THRSP: variants seen among roughly 807,000 people sequenced by gnomAD.
The protein encoded by THRSP is thyroid hormone-inducible hepatic protein.
A neutral mutation model predicts 11.1 loss-of-function variants in THRSP; 9 were observed. That is an observed-to-expected ratio of 0.81 (90% CI 0.49 to 1.42). The LOEUF is 1.42. THRSP is among the 40% of genes most tolerant of loss of function. The pLI is 0.00. For synonymous variants in THRSP, 73 were observed against 78.1 expected (o/e 0.94, Z 0.34); for missense variants, 177 against 188.2 (o/e 0.94, Z 0.35).
intron 1 of THRSP, among the ~76,000 whole-genome samples, chr11:78,067,371 C>T (rs1167394702): frequency 6.6e-6 from 1 of 152,194 alleles, no homozygotes; most frequent in African/African-American, 2.4e-5. Context: ...ATCCACCCAC[C>T]TTGGCCTCCC....
Position 78,064,152 on chromosome 11 carries a change from G to A in THRSP, c.271G>A (p.Gly91Arg). Residue 91 changes from glycine to arginine, a missense_variant, in exon 1 of 2, where the codon GGA becomes AGA. By Grantham distance (125) the Gly-to-Arg change is moderately radical. Coordinates refer to ENST00000281030, the MANE Select transcript of THRSP (RefSeq NM_003251.4). The part of the protein sequence containing the change: ...QAKVAGSEEN[G>R]TAETEEVEDE... Reference sequence around the variant, plus strand: ...CAAGGTGGCAGGCAGCGAAGAGAATGGAACCGCAGAGACAGAGGAAGTCGA... The same window carrying A: ...CAAGGTGGCAGGCAGCGAAGAGAATAGAACCGCAGAGACAGAGGAAGTCGA... The A allele has an allele frequency of 6.2e-7, 1 of 1,614,176 alleles. No individual in the cohort carries two copies. The highest frequency in any genetic ancestry group is 1.1e-5 in the South Asian group (1 of 91,084).
In THRSP at chr11:78,064,384, A is replaced by T. The variant is rs370179726; in HGVS notation, c.*19+43A>T. 8 of 1,510,570 alleles carry T rather than the reference A, an allele frequency of 5.3e-6. No homozygotes were observed. The African/African-American group carries it at 7.0e-5, about 13-fold the overall frequency. 93.6% of individuals were successfully genotyped at this position (1,510,570 alleles called of 1,614,324 possible). A position where few individuals can be genotyped will look rare whatever the true frequency, so the allele number is the denominator to read the frequency against. ...GGTGGGTGTGAGTCTACAAAGGGACATTCCAGGAGAGGAGAGGGGGCAGTG... is the reference window on the plus strand; with the variant it reads ...GGTGGGTGTGAGTCTACAAAGGGACTTTCCAGGAGAGGAGAGGGGGCAGTG... On this transcript the variant is annotated intron_variant, in intron 1 of 1. Transcript: ENST00000281030.
intron 1 of THRSP, among the ~76,000 whole-genome samples, chr11:78,064,882 G>A (rs1470392643): frequency 1.3e-5 from 2 of 151,808 alleles, no homozygotes; most frequent in Non-Finnish European, 2.9e-5. Flanking sequence ...CCAGCTACTC[G>A]GGAGGCTGAG....
intron 1 of THRSP, among the ~76,000 whole-genome samples, chr11:78,067,059 T>G (rs1858772940): frequency 6.6e-6 from 1 of 152,012 alleles, no homozygotes; most frequent in Non-Finnish European, 1.5e-5. Flanking sequence ...TCTCCTGACC[T>G]TGTGATCCTC....
chr11:78,066,531 G>A (rs530688974), intron 1 of THRSP, among the ~76,000 whole-genome samples: 1 of 152,200 alleles, frequency 6.6e-6, no homozygotes, highest in South Asian at 2.1e-4. Context: ...AGTTTACTCA[G>A]TAAATAACAG....
chr11:78,065,020 C>T (rs1481002117), intron 1 of THRSP, among the ~76,000 whole-genome samples: 1 of 150,840 alleles, frequency 6.6e-6, no homozygotes, highest in African/African-American at 2.4e-5. Context: ...CTAAGGCATG[C>T]ACATTGATTT....
chr11:78,065,181 C>A (rs1858701926), intron 1 of THRSP, among the ~76,000 whole-genome samples: 1 of 152,078 alleles, frequency 6.6e-6, no homozygotes. Context: ...CTCTGACCAT[C>A]CCAGGTTGGA....
At chr11:78,064,918 G>T (rs377668571) in intron 1 of THRSP, among the ~76,000 whole-genome samples, 1 of 151,754 alleles carries the variant, frequency 6.6e-6, no homozygotes, top group South Asian at 2.1e-4. Flanking sequence ...GAACCTGGGA[G>T]GCAGAGGTTG....
In THRSP at chr11:78,064,318, G is replaced by T; in HGVS notation, c.437G>T (p.Trp146Leu). The T allele has an allele frequency of 6.2e-7, 1 of 1,607,952 alleles. No individual in the cohort carries two copies. Among genetic ancestry groups the T allele is most frequent in the Non-Finnish European group, 8.5e-7 (1 of 1,176,572 alleles). ...TACCAGGAAATGACGGGACAAGTTT[G>T]GTAGACCTTGGACACTAGGGAAGGT... is the stretch of plus-strand genomic sequence containing the variant. The part of the protein sequence containing the change: ...RKYQEMTGQV[W>L] Residue 146 changes from tryptophan to leucine, a missense_variant, in exon 1 of 2, where the codon TGG becomes TTG. Trp to Leu is a moderately conservative substitution (Grantham distance 61, BLOSUM62 -2). Transcript: ENST00000281030.
chr11:78,065,688 C>A (rs1185301566), intron 1 of THRSP, among the ~76,000 whole-genome samples: 3 of 152,162 alleles, frequency 2.0e-5, no homozygotes, highest in Admixed American at 2.0e-4. Context: ...AGTAAGGAGA[C>A]AAAAGTAAGA....
At chr11:78,065,091 G>T (rs569135875) in intron 1 of THRSP, among the ~76,000 whole-genome samples, 5 of 151,962 alleles carry the variant, frequency 3.3e-5, no homozygotes, top group African/African-American at 9.6e-5. Flanking sequence ...TCAAGTCACA[G>T]AACATGGAAA....
At chr11:78,064,484 C>A (rs751883589) in intron 1 of THRSP, 143 bp downstream of exon 1, 2 of 688,198 alleles carry the variant, frequency 2.9e-6, no homozygotes, top group Non-Finnish European at 4.9e-6. Context: ...GGGACCACAA[C>A]CTAGGAGGGC....
chr11:78,064,470 T>A (rs1460380361), intron 1 of THRSP, 129 bp downstream of exon 1: 2 of 786,588 alleles, frequency 2.5e-6, no homozygotes, highest in Non-Finnish European at 4.0e-6. Context: ...TGGGTCAGGG[T>A]ATTGGGACCA....
intron 1 of THRSP, among the ~76,000 whole-genome samples, chr11:78,065,773 G>C (rs1858719070): frequency 6.6e-6 from 1 of 152,178 alleles, no homozygotes; most frequent in Non-Finnish European, 1.5e-5. Context: ...TTCATAATCT[G>C]TGTGAAGGCT....
intron 1 of THRSP, among the ~76,000 whole-genome samples, chr11:78,065,534 G>A (rs1343276354): frequency 6.6e-6 from 1 of 152,028 alleles, no homozygotes; most frequent in Non-Finnish European, 1.5e-5. Flanking sequence ...CCCACAAACT[G>A]GTCTCATTAG....
At position 78,064,202 on chromosome 11, in the gene THRSP, G is replaced by A. The variant is rs761542496; in HGVS notation, c.321G>A (p.Leu107=). The change falls in exon 1 of 2, where the codon CTG becomes CTA. Residue 107 remains leucine, a synonymous_variant. Coordinates refer to ENST00000281030, the MANE Select transcript of THRSP (RefSeq NM_003251.4). Reference sequence around the variant, plus strand: ...AGGACGAGAGTGCCTCAGGAGAGCTGGACCTGGAAGCCCAGTTCCACCTGC... The same window carrying A: ...AGGACGAGAGTGCCTCAGGAGAGCTAGACCTGGAAGCCCAGTTCCACCTGC... ...EVEDESASGE[L]DLEAQFHLHF... 6.2e-7 allele frequency: 1 copy of A among 1,614,172 alleles called. No individual in the cohort carries two copies. Among genetic ancestry groups the A allele is most frequent in the South Asian group, 1.1e-5 (1 of 91,086 alleles).
chr11:78,067,479 G>C (rs1858796113), intron 1 of THRSP, among the ~76,000 whole-genome samples, 180 bp from the exon 2 acceptor site: 1 of 152,194 alleles, frequency 6.6e-6, no homozygotes, highest in South Asian at 2.1e-4. Flanking sequence ...ATATAGCAGA[G>C]AAATCAAATG....
At position 78,063,905 on chromosome 11, in the gene THRSP, C is replaced by A. The variant is rs767311649; in HGVS notation, c.24C>A (p.Tyr8Ter). ...CCATGCAGGTGCTAACCAAGCGTTA[C>A]CCCAAGAACTGCCTGCTGACCGTCA... Reference protein sequence around the residue: MQVLTKRYPKNCLLTVMD... With the variant: MQVLTKR Residue 8 changes from tyrosine to a stop codon, truncating the protein, a stop_gained, in exon 1 of 2, where the codon TAC becomes TAA. Coordinates refer to ENST00000281030, the MANE Select transcript of THRSP (RefSeq NM_003251.4). LOFTEE classifies it high-confidence loss of function. The A allele has an allele frequency of 1.3e-6, 2 of 1,587,578 alleles. No individual in the cohort carries two copies. Among genetic ancestry groups the A allele is most frequent in the Non-Finnish European group, 1.7e-6 (2 of 1,167,506 alleles).
At chr11:78,066,723 G>A (rs898681023) in intron 1 of THRSP, among the ~76,000 whole-genome samples, 1 of 152,128 alleles carries the variant, frequency 6.6e-6, no homozygotes, top group Non-Finnish European at 1.5e-5. Flanking sequence ...ACGCCATAAC[G>A]TTTCAACACA....
Sources: gnomAD v4.1 joint callset for allele counts (sites outside exome capture counted in the v4.1 genomes callset) on GRCh38, gnomAD v4.1.1 for gene constraint, MANE v1.5 for transcripts, NCBI Gene and HGNC (gene_info 2026-07-23, HGNC 2026-07-21) for gene names.